The following CACNA1C variants were observed in gnomAD, a reference collection of about 807,000 sequenced individuals.
CACNA1C encodes voltage-dependent L-type calcium channel subunit alpha-1C.
A neutral mutation model predicts 229.0 loss-of-function variants in CACNA1C; 30 were observed. The ratio of observed to expected loss-of-function variants is 0.13; its 90% CI spans 0.10 to 0.18. The LOEUF (loss-of-function observed/expected upper bound fraction) is 0.18, where lower values mean the gene tolerates loss of function less well. CACNA1C is among the 10% of genes least tolerant of loss of function. CACNA1C has a pLI of 1.00. For synonymous variants in CACNA1C, 1,114 were observed against 1,132.5 expected, an observed-to-expected ratio of 0.98 and a Z score of 0.33; for missense variants, 1,658 against 2,845.0, an observed-to-expected ratio of 0.58 and a Z score of 9.49.
chr12:2,615,363 A>G (rs2079925031), intron 29 of CACNA1C, among the ~76,000 whole-genome samples: 1 of 152,258 alleles, frequency 6.6e-6, no homozygotes, highest in African/African-American at 2.4e-5. Flanking sequence ...AAAATATGCA[A>G]TGCCTGGGGA....
intron 3 of CACNA1C, among the ~76,000 whole-genome samples, chr12:2,169,596 G>A (rs986520495): frequency 1.3e-5 from 2 of 152,160 alleles, no homozygotes; most frequent in African/African-American, 4.8e-5. Context: ...CACTGAATTG[G>A]ATTTGGCAGA....
chr12:2,523,461 C>A (rs2099813618), intron 9 of CACNA1C, among the ~76,000 whole-genome samples: 1 of 152,104 alleles, frequency 6.6e-6, no homozygotes, highest in Non-Finnish European at 1.5e-5. Context: ...CACTTTCCTG[C>A]CTTGGCAAGT....
intron 3 of CACNA1C, among the ~76,000 whole-genome samples, chr12:2,343,205 A>G (rs1028946938): frequency 6.6e-6 from 1 of 152,186 alleles, no homozygotes; most frequent in South Asian, 2.1e-4. Context: ...GGTACTGGTA[A>G]TCTGCCACAA....
rs2094433611 is a variant in CACNA1C, at chr12:2,646,912, T to G, written c.3913-1563T>G. Among the ~76,000 whole-genome samples the G allele has an allele frequency of 6.6e-6, 1 of 152,084 alleles. No individual in the cohort carries two copies. The highest frequency in any genetic ancestry group is 2.4e-5 in the African/African-American group (1 of 41,404). ...AAGGACTGACCTGGCAGGTGGAATC[T>G]TCATGAAGCAGAAGCTGAGATCTAG... On this transcript the variant is annotated intron_variant, in intron 30 of 46. Coordinates refer to ENST00000399655, the MANE Select transcript of CACNA1C (RefSeq NM_000719.7). This position sits in a 1 kb window ranked among gnomAD's most constrained non-coding sequence, Gnocchi z 4.6.
At chr12:2,191,683 C>T (rs984738860) in intron 3 of CACNA1C, among the ~76,000 whole-genome samples, 8 of 151,908 alleles carry the variant, frequency 5.3e-5, no homozygotes, top group South Asian at 2.1e-4. Flanking sequence ...CAGGCACACA[C>T]GTACACCCAG....
chr12:2,363,559 G>C (rs1175709905), intron 3 of CACNA1C, among the ~76,000 whole-genome samples: 2 of 152,132 alleles, frequency 1.3e-5, no homozygotes, highest in Non-Finnish European at 2.9e-5. Context: ...GTTCCCAGTG[G>C]GGGAGTGCTT....
At chr12:2,461,431 T>A (rs1338542653) in intron 5 of CACNA1C, among the ~76,000 whole-genome samples, 3 of 152,164 alleles carry the variant, frequency 2.0e-5, no homozygotes, top group African/African-American at 7.2e-5. Flanking sequence ...GGGTAGATCC[T>A]GAGACCTCTC....
At chr12:1,996,717 C>T (rs192375658) in intron 1 of CACNA1C, among the ~76,000 whole-genome samples, 42 of 146,656 alleles carry the variant, frequency 2.9e-4, no homozygotes, top group African/African-American at 7.3e-4. Flanking sequence ...CATTCAAAGC[C>T]ATCTTGGGCC....
chr12:2,012,976 G>A (rs767539818), intron 1 of CACNA1C, among the ~76,000 whole-genome samples: 1 of 152,194 alleles, frequency 6.6e-6, no homozygotes, highest in Non-Finnish European at 1.5e-5. Context: ...AGTGACTTTA[G>A]CTGACTGATT....
At position 2,141,628 on chromosome 12, in the gene CACNA1C, C is replaced by T. The variant is rs528145739; in HGVS notation, c.477+21198C>T. ...CCCATAAGGGATGCAAGCTCCGTAA[C>T]GAGCACTCAGGCTCCTCGCTGATGG... On this transcript the variant is annotated intron_variant, in intron 3 of 46. Transcript: ENST00000399655. Among the ~76,000 whole-genome samples the T allele has an allele frequency of 2.8e-4, 42 of 151,390 alleles. 1 individual carries two copies. The highest frequency in any genetic ancestry group is 4.1e-4 in the Non-Finnish European group (28 of 67,654).
At chr12:2,095,344 G>A (rs11062120) in intron 1 of CACNA1C, among the ~76,000 whole-genome samples, 62 of 152,344 alleles carry the variant, frequency 4.1e-4, no homozygotes, top group East Asian at 1.3e-3. Context: ...CAGAGATAGG[G>A]GGACAGAGTC....
intron 3 of CACNA1C, among the ~76,000 whole-genome samples, chr12:2,207,942 G>A (rs533044475): frequency 5.3e-5 from 8 of 152,292 alleles, no homozygotes; most frequent in East Asian, 3.9e-4. Context: ...TCTTCAAGGC[G>A]TGGATAGTGT....
intron 3 of CACNA1C, among the ~76,000 whole-genome samples, chr12:2,364,505 G>A (rs1487457826): frequency 6.6e-6 from 1 of 152,154 alleles, no homozygotes; most frequent in African/African-American, 2.4e-5. Flanking sequence ...GTTATGTTGT[G>A]GAAATGTGAC....
At chr12:2,212,646 T>C (rs930628139) in intron 3 of CACNA1C, among the ~76,000 whole-genome samples, 66 of 152,226 alleles carry the variant, frequency 4.3e-4, no homozygotes, top group African/African-American at 1.6e-3. Context: ...TTAATATATT[T>C]ACTGTTTTAT....
At chr12:2,161,634 AAG>A (rs2095861575) in intron 3 of CACNA1C, among the ~76,000 whole-genome samples, 2 of 152,338 alleles carry the variant, frequency 1.3e-5, no homozygotes, top group Admixed American at 1.3e-4. Context: ...CTTGCTTTGT[AAG>A]AGTCACTTGC....
intron 3 of CACNA1C, among the ~76,000 whole-genome samples, chr12:2,422,650 C>T (rs1567594409): frequency 6.6e-6 from 1 of 152,210 alleles, no homozygotes; most frequent in Admixed American, 6.5e-5. Context: ...CTCTAAAGTG[C>T]CCTTGTTTGA....
intron 9 of CACNA1C, among the ~76,000 whole-genome samples, chr12:2,522,271 A>T (rs1430368304): frequency 2.0e-5 from 3 of 152,214 alleles, no homozygotes; most frequent in Non-Finnish European, 4.4e-5. Flanking sequence ...AGCAGCGTGC[A>T]TTGGTAACTT....
chr12:2,120,601 T>G (rs2086154794), intron 3 of CACNA1C, among the ~76,000 whole-genome samples, 171 bp downstream of exon 3: 1 of 152,112 alleles, frequency 6.6e-6, no homozygotes, highest in Non-Finnish European at 1.5e-5. Flanking sequence ...AATCAGCACC[T>G]GTCTCATTCC....
At chr12:2,223,792 A>T (rs1446297858) in intron 3 of CACNA1C, among the ~76,000 whole-genome samples, 1 of 152,182 alleles carries the variant, frequency 6.6e-6, no homozygotes, top group Non-Finnish European at 1.5e-5. Context: ...AAAATGAATA[A>T]ATCATGGTTC....
Sources: allele counts gnomAD v4.1 joint callset (sites outside exome capture counted in the v4.1 genomes callset), GRCh38; gene constraint gnomAD v4.1.1; non-coding constraint Gnocchi (gnomAD v3.1); transcripts MANE v1.5; gene names NCBI Gene and HGNC (gene_info 2026-07-23, HGNC 2026-07-21).